Variants in LRRC56 observed in about 807,000 individuals in gnomAD.
The protein encoded by LRRC56 is leucine rich repeat containing 56, also known as leucine-rich repeat-containing protein 56.
In LRRC56, 41 loss-of-function variants were observed where a neutral mutation model predicts 47.8. That is an observed-to-expected ratio of 0.86 (90% CI 0.67 to 1.11). LRRC56 has a LOEUF of 1.11. Among genes scored for constraint, LRRC56 ranks in the 50% most tolerant of loss-of-function variants. The pLI is 0.00. For synonymous variants in LRRC56, 387 were observed against 311.2 expected (o/e 1.24, Z -2.56); for missense variants, 759 against 704.2 (o/e 1.08, Z -0.88).
rs1702920372 is a variant in LRRC56 at position 539,619 on chromosome 11, A to G, written c.-119A>G. 1 of 149,530 alleles carries G rather than the reference A, an allele frequency of 6.7e-6. No individual in the cohort carries two copies. Among genetic ancestry groups the G allele is most frequent in the Non-Finnish European group, 1.5e-5 (1 of 67,634 alleles). The allele number at this position is 149,530 out of a possible 1,614,324, so 9.3% of individuals were successfully genotyped here. On this transcript the variant is annotated 5_prime_UTR_variant, in exon 3 of 14. Coordinates refer to ENST00000270115, the MANE Select transcript of LRRC56 (RefSeq NM_198075.4). ...CACCGTGTTAGCCAGGATGGTCTCA[A>G]TCTCCTGACCTCGTGATCTGCCCGC...
chr11:515,259 A>G, the LRRC56 span, among the ~76,000 whole-genome samples: 1 of 152,078 alleles, frequency 6.6e-6, no homozygotes, highest in Non-Finnish European at 1.5e-5. Flanking sequence ...ATATCTGCCG[A>G]GAGCACAGCA....
upstream of LRRC56, chr11:533,775 T>A: frequency 2.5e-6 from 4 of 1,613,262 alleles, no homozygotes; most frequent in Non-Finnish European, 3.4e-6. Context: ...CCTGTACTGG[T>A]GGATGTCCTC....
At chr11:535,555 C>T (rs1208646309), upstream of LRRC56, 3 of 148,720 alleles carry the variant, frequency 2.0e-5, no homozygotes, top group Admixed American at 1.3e-4. Flanking sequence ...AGGGCACGGG[C>T]GGCGGAGACT....
At chr11:517,399 G>C in the LRRC56 span, among the ~76,000 whole-genome samples, 3 of 151,590 alleles carry the variant, frequency 2.0e-5, no homozygotes, top group Admixed American at 2.0e-4. Flanking sequence ...GAGGTGGGGG[G>C]CGCCTCTGCC....
chr11:517,448 G>A, the LRRC56 span, among the ~76,000 whole-genome samples: 6 of 149,780 alleles, frequency 4.0e-5, no homozygotes, highest in African/African-American at 7.4e-5. Context: ...GCCTCTGCCC[G>A]ACCGCCCCAC....
At chr11:510,106 C>A in the LRRC56 span, among the ~76,000 whole-genome samples, 1 of 151,500 alleles carries the variant, frequency 6.6e-6, no homozygotes, top group Non-Finnish European at 1.5e-5. Context: ...CCAGCCCCAC[C>A]AGCCTACACG....
Position 554,354 on chromosome 11 carries a change from T to A in LRRC56, c.*78T>A, listed in dbSNP as rs115366880. 7.2e-3 allele frequency: 9,149 copies of A among 1,272,654 alleles called. 331 individuals are homozygous for A. In the African/African-American group the frequency reaches 0.097, roughly 13 times the overall value. The allele number at this position is 1,272,654 out of a possible 1,614,324, so 78.8% of individuals were successfully genotyped here. A position where few individuals can be genotyped will look rare whatever the true frequency, so the allele number is the denominator to read the frequency against. On this transcript the variant is annotated 3_prime_UTR_variant, in exon 14 of 14. Transcript: ENST00000270115. ...ATGTGGTCACAGAGCACAGAATACC[T>A]GGGCGGGTGTGTTGGGGGGTGGAAG...
At chr11:532,837 C>T, upstream of LRRC56, 1 of 1,411,966 alleles carries the variant, frequency 7.1e-7, no homozygotes. Context: ...TGGGATCAAG[C>T]CTTGCCTGGC....
chr11:526,520 G>A, the LRRC56 span, among the ~76,000 whole-genome samples: 527 of 152,304 alleles, frequency 3.5e-3, 4 homozygotes, highest in African/African-American at 0.012. Context: ...GAAAGTCTAC[G>A]TCCTCGGGGG....
chr11:531,792 G>A, the LRRC56 span, among the ~76,000 whole-genome samples: 5 of 152,240 alleles, frequency 3.3e-5, no homozygotes, highest in African/African-American at 7.2e-5. Context: ...CCACAGAGCC[G>A]AAGAAAACTG....
chr11:521,222 A>G, the LRRC56 span, among the ~76,000 whole-genome samples: 1 of 152,042 alleles, frequency 6.6e-6, no homozygotes, highest in African/African-American at 2.4e-5. Flanking sequence ...CCCTGTCCCC[A>G]CCCTAGTCAT....
At chr11:545,070 C>G (rs1207016593) in intron 6 of LRRC56, among the ~76,000 whole-genome samples, 1 of 152,098 alleles carries the variant, frequency 6.6e-6, no homozygotes, top group East Asian at 1.9e-4. Flanking sequence ...CCCGGGGGTC[C>G]TGCCTATGCC....
the LRRC56 span, among the ~76,000 whole-genome samples, chr11:509,638 C>T: frequency 6.6e-6 from 1 of 152,088 alleles, no homozygotes; most frequent in Non-Finnish European, 1.5e-5. Context: ...AGCTCCGCCT[C>T]CCAGGTTCAA....
At chr11:532,802 T>A (rs113152660), upstream of LRRC56, 2 of 1,591,260 alleles carry the variant, frequency 1.3e-6, no homozygotes, top group African/African-American at 2.7e-5. Context: ...TGTGGCCGCC[T>A]GCCTGGGTGA....
upstream of LRRC56, chr11:532,853 G>A (rs1281891674): frequency 1.6e-5 from 20 of 1,227,412 alleles, 1 homozygote; most frequent in East Asian, 4.4e-4. Flanking sequence ...CTGGCCCGAA[G>A]CTCCCGACTC....
At chr11:533,970 C>G, upstream of LRRC56, 1 of 1,605,428 alleles carries the variant, frequency 6.2e-7, no homozygotes, top group Non-Finnish European at 8.5e-7. Flanking sequence ...GCTCAGGGAC[C>G]CCCTCAGGAC....
In LRRC56 at chr11:552,605, A is replaced by AG. The variant is rs777862811; in HGVS notation, c.1222dup (p.Ala408GlyfsTer12). ...ATAGGCACCCGGAGTCCCAACAGGA[A>AG]GGGGCTGTAGCCCCCTGGGGCCCAC... On this transcript the variant is annotated frameshift_variant, in exon 13 of 14. Coordinates refer to ENST00000270115, the MANE Select transcript of LRRC56 (RefSeq NM_198075.4). LOFTEE classifies it high-confidence loss of function. 1 of 1,609,216 alleles carries AG rather than the reference A, an allele frequency of 6.2e-7. No individual in the cohort carries two copies. The highest frequency in any genetic ancestry group is 8.5e-7 in the Non-Finnish European group (1 of 1,178,132).
chr11:531,365 A>G, the LRRC56 span, among the ~76,000 whole-genome samples: 1 of 152,118 alleles, frequency 6.6e-6, no homozygotes, highest in Admixed American at 6.5e-5. Flanking sequence ...GGGCCCTGGG[A>G]GGGGAGGGGC....
the LRRC56 span, chr11:528,751 G>T: frequency 6.6e-6 from 1 of 152,200 alleles, no homozygotes; most frequent in Non-Finnish European, 1.5e-5. Context: ...ACACGCACAC[G>T]TTCACCCACA....
Sources: allele counts gnomAD v4.1 joint callset (sites outside exome capture counted in the v4.1 genomes callset), GRCh38; gene constraint gnomAD v4.1.1; transcripts MANE v1.5; gene names NCBI Gene and HGNC (gene_info 2026-07-23, HGNC 2026-07-21).